DNAAF9: variants seen among roughly 807,000 people sequenced by gnomAD.
The protein encoded by DNAAF9 is shulin.
A neutral mutation model predicts 167.0 loss-of-function variants in DNAAF9; 90 were observed. That is an observed-to-expected ratio of 0.54 (90% CI 0.45 to 0.64). DNAAF9 has a LOEUF of 0.64. Among genes scored for constraint, DNAAF9 ranks in the 30% least tolerant of loss-of-function variants. The probability of loss-of-function intolerance (pLI) is 0.00; values close to 1 mark genes in which losing one functional copy is unlikely to be tolerated. For missense variants in DNAAF9, 1,315 were observed against 1,442.2 expected (o/e 0.91, Z 1.43); for synonymous variants, 491 against 508.8 (o/e 0.96, Z 0.47).
chr20:3,322,821 A>G (rs985563511), intron 14 of DNAAF9, 125 bp from the exon 15 acceptor site: 5 of 772,198 alleles, frequency 6.5e-6, no homozygotes, highest in Admixed American at 3.5e-5. Flanking sequence ...TGCTTTACAC[A>G]GATTTACCCT....
intron 8 of DNAAF9, among the ~76,000 whole-genome samples, chr20:3,346,350 C>T (rs2070193022): frequency 1.3e-5 from 2 of 152,096 alleles, no homozygotes; most frequent in South Asian, 4.1e-4. Context: ...TACATAAGCG[C>T]TGAGTTATTT....
intron 21 of DNAAF9, among the ~76,000 whole-genome samples, chr20:3,304,128 G>T (rs2069244044): frequency 6.6e-6 from 1 of 152,218 alleles, no homozygotes; most frequent in Non-Finnish European, 1.5e-5. Flanking sequence ...GGGGCCACTG[G>T]AGGCCTTCTC....
chr20:3,351,651 G>A (rs1431274618), intron 7 of DNAAF9, among the ~76,000 whole-genome samples: 1 of 152,136 alleles, frequency 6.6e-6, no homozygotes, highest in African/African-American at 2.4e-5. Context: ...ACTAACCTAT[G>A]TTTATAAAAT....
chr20:3,292,606 A>C lies in DNAAF9; in HGVS notation c.2238+1533T>G, dbSNP rs149631001. On this transcript the variant is annotated intron_variant, in intron 25 of 36. Coordinates refer to ENST00000252032, the MANE Select transcript of DNAAF9 (RefSeq NM_001009984.3). ...CATGGTGAAACTCTGCCTTTACTAAAAATACAAAAATTAGCTGGGCTTGGT... is the reference window on the plus strand; with the variant it reads ...CATGGTGAAACTCTGCCTTTACTAACAATACAAAAATTAGCTGGGCTTGGT... 4.8e-3 allele frequency among the ~76,000 whole-genome samples: 734 copies of C among 151,898 alleles called. 2 individuals carry two copies. Among genetic ancestry groups the C allele is most frequent in the Middle Eastern group, 6.8e-3 (2 of 294 alleles).
intron 7 of DNAAF9, among the ~76,000 whole-genome samples, chr20:3,349,770 C>A (rs907331372): frequency 5.9e-5 from 9 of 152,128 alleles, no homozygotes; most frequent in Admixed American, 1.3e-4. Flanking sequence ...AACAAAAAAA[C>A]CCCACCAATT....
At chr20:3,371,333 CTTTTTTTT>C (rs532202424) in intron 6 of DNAAF9, among the ~76,000 whole-genome samples, 2 of 84,076 alleles carry the variant, frequency 2.4e-5, no homozygotes, top group Admixed American at 1.6e-4. Context: ...TGAAGAAAAT[CTTTTTTTT>C]TTTTTTTTTT....
At chr20:3,322,818 C>A in intron 14 of DNAAF9, 122 bp from the exon 15 acceptor site, 1 of 781,228 alleles carries the variant, frequency 1.3e-6, no homozygotes, top group Non-Finnish European at 2.3e-6. Flanking sequence ...CCTTGCTTTA[C>A]ACAGATTTAC....
At chr20:3,334,726 C>A (rs956721068) in intron 10 of DNAAF9, among the ~76,000 whole-genome samples, 1 of 152,200 alleles carries the variant, frequency 6.6e-6, no homozygotes, top group Admixed American at 6.5e-5. Flanking sequence ...TGTTGTCAGT[C>A]TTCTGAATTT....
intron 10 of DNAAF9, among the ~76,000 whole-genome samples, chr20:3,335,219 T>C (rs1261658956): frequency 6.6e-6 from 1 of 152,228 alleles, no homozygotes; most frequent in Non-Finnish European, 1.5e-5. Flanking sequence ...TTCCTTCTTT[T>C]ATCATTTCCT....
Position 3,287,768 on chromosome 20 carries a change from T to C in DNAAF9, c.2350A>G (p.Met784Val), listed in dbSNP as rs371286231. Reference sequence around the variant, plus strand: ...GCATGAAAACATTCAGAGCTGTCCATGATTTGGCGATACACCATCCATCTG... The same window carrying C: ...GCATGAAAACATTCAGAGCTGTCCACGATTTGGCGATACACCATCCATCTG... ...CGRWMVYRQI[M>V]DSSECFHAAH... Residue 784 changes from methionine (M) to valine (V), a missense_variant, in exon 27 of 37, where the codon ATG becomes GTG. By Grantham distance (21) the Met-to-Val change is conservative. This residue lies in a region of DNAAF9 where 981 missense variants were observed against 1,012.5 expected (regional missense o/e 0.97). Transcript: ENST00000252032. The C allele has an allele frequency of 6.2e-7, 1 of 1,614,214 alleles. No homozygotes were observed. The highest frequency in any genetic ancestry group is 1.1e-5 in the South Asian group (1 of 91,086).
intron 21 of DNAAF9, among the ~76,000 whole-genome samples, chr20:3,302,097 C>A (rs1370597626): frequency 6.6e-6 from 1 of 151,844 alleles, no homozygotes; most frequent in Non-Finnish European, 1.5e-5. Flanking sequence ...CATGCACCAC[C>A]ACGCCCAGTT....
At position 3,256,130 on chromosome 20, in the gene DNAAF9, G is replaced by A; in HGVS notation, c.3137C>T (p.Pro1046Leu). ...SIMPVLEGPT[P>L]PPDSKSVSQD... ...AGATACGCTTTTGGAGTCTGGTGGT[G>A]GTGTGGGTCCTTCCAAAACTGGCAT... The change falls in exon 34 of 37, where the codon CCA becomes CTA. Residue 1046 changes from proline to leucine, a missense_variant. Transcript: ENST00000252032. 2 of 1,614,160 alleles carry A rather than the reference G, an allele frequency of 1.2e-6. No individual in the cohort carries two copies. Among genetic ancestry groups the A allele is most frequent in the Non-Finnish European group, 8.5e-7 (1 of 1,179,988 alleles).
chr20:3,343,981 T>C (rs1001560571), intron 8 of DNAAF9, among the ~76,000 whole-genome samples: 12 of 151,618 alleles, frequency 7.9e-5, no homozygotes, highest in Non-Finnish European at 1.8e-4. Context: ...TAGGAATAAG[T>C]GGCAAACAAA....
intron 17 of DNAAF9, 98 bp from the exon 18 acceptor site, chr20:3,316,891 T>TTC: frequency 3.7e-5 from 3 of 81,638 alleles, no homozygotes; most frequent in East Asian, 2.9e-4. Flanking sequence ...GCTAGGGTTC[T>TTC]TTTTTTTTTT....
At chr20:3,339,054 A>G (rs759049501) in intron 10 of DNAAF9, among the ~76,000 whole-genome samples, 2 of 151,796 alleles carry the variant, frequency 1.3e-5, no homozygotes, top group Non-Finnish European at 2.9e-5. Flanking sequence ...GATTCCTTCC[A>G]TGGATATGTC....
intron 3 of DNAAF9, among the ~76,000 whole-genome samples, chr20:3,380,262 AC>A (rs1470005371): frequency 6.6e-6 from 1 of 152,228 alleles, no homozygotes; most frequent in Non-Finnish European, 1.5e-5. Flanking sequence ...AAAATCTGAA[AC>A]CAAATTTGAA....
chr20:3,252,656 C>T lies in DNAAF9; in HGVS notation c.3450G>A (p.Val1150=). 6.2e-7 allele frequency: 1 copy of T among 1,610,002 alleles called. No individual in the cohort carries two copies. The highest frequency in any genetic ancestry group is 1.3e-5 in the African/African-American group (1 of 74,958). The change falls in exon 37 of 37, where the codon GTG becomes GTA. Residue 1150 remains valine (V), a synonymous_variant. Coordinates refer to ENST00000252032, the MANE Select transcript of DNAAF9 (RefSeq NM_001009984.3). Reference sequence around the variant, plus strand: ...TCTCAATTTCCCGGTTGGCTTCTTCCACGTAGTCATTCATGAACTGGTCCA... The same window carrying T: ...TCTCAATTTCCCGGTTGGCTTCTTCTACGTAGTCATTCATGAACTGGTCCA... ...PLMDQFMNDY[V]EEANREIEKY... is the part of the protein sequence containing the mutation.
chr20:3,350,168 C>G (rs1392567180), intron 7 of DNAAF9, among the ~76,000 whole-genome samples: 6 of 151,152 alleles, frequency 4.0e-5, no homozygotes, highest in African/African-American at 4.9e-5. Context: ...CACACACACA[C>G]ACACACACAC....
Position 3,348,540 on chromosome 20 carries a change from T to C in DNAAF9, c.774A>G (p.Glu258=). 1 of 1,595,508 alleles carries C rather than the reference T, an allele frequency of 6.3e-7. No individual in the cohort carries two copies. The change falls in exon 8 of 37, where the codon GAA becomes GAG. Residue 258 remains glutamate, a synonymous_variant. Coordinates refer to ENST00000252032, the MANE Select transcript of DNAAF9 (RefSeq NM_001009984.3). The stretch of plus-strand genomic sequence containing the variant: ...CCTTACATACCTCACCCGCCTGAGA[T>C]TCTGAAAGTTCTAGCAGGAAAGGAA... ...TEIPFLLELS[E]SQAGEPFRSY...
Sources: allele counts gnomAD v4.1 joint callset (sites outside exome capture counted in the v4.1 genomes callset), GRCh38; gene constraint gnomAD v4.1.1; regional missense constraint gnomAD v4.1.1; transcripts MANE v1.5; gene names NCBI Gene and HGNC (gene_info 2026-07-23, HGNC 2026-07-21).